The following DGKA variants were observed in gnomAD, a reference collection of about 807,000 sequenced individuals.
DGKA encodes 80 kDa diacylglycerol kinase.
DGKA carries 35 observed loss-of-function variants against 105.0 expected under a neutral mutation model. The ratio of observed to expected loss-of-function variants is 0.33; its 90% CI spans 0.25 to 0.44. The LOEUF (loss-of-function observed/expected upper bound fraction) is 0.44. DGKA is among the 20% of genes least tolerant of loss of function. The pLI, the probability that DGKA is intolerant of heterozygous loss-of-function variation, is 1.00. For synonymous variants in DGKA, 296 were observed against 332.0 expected (o/e 0.89, Z 1.18); for missense variants, 665 against 915.0 (o/e 0.73, Z 3.53).
intron 17 of DGKA, among the ~76,000 whole-genome samples, chr12:55,944,881 C>T (rs1016810586): frequency 7.9e-5 from 12 of 152,290 alleles, no homozygotes; most frequent in Middle Eastern, 6.8e-3. Flanking sequence ...CTCACTGCAA[C>T]TTCTACCTCG....
chr12:55,953,131 G>C lies in DGKA; in HGVS notation c.2034G>C (p.Arg678=), dbSNP rs965456470. ...CCAAGCTCAAGAATGCTGGACGTCG[G>C]CTGGCCAAGTGCTCTGAGATCACCT... ...IYTKLKNAGR[R]LAKCSEITFH... The change falls in exon 22 of 24, where the codon CGG becomes CGC. Residue 678 remains arginine, a synonymous_variant. Transcript: ENST00000331886. 2 of 1,614,098 alleles carry C rather than the reference G, an allele frequency of 1.2e-6. No homozygotes were observed. Among genetic ancestry groups the C allele is most frequent in the Non-Finnish European group, 1.7e-6 (2 of 1,180,030 alleles).
Position 55,941,531 on chromosome 12 carries a change from T to C in DGKA, c.1197T>C (p.Tyr399=). Residue 399 remains tyrosine, a synonymous_variant, in exon 15 of 24, where the codon TAT becomes TAC. Transcript: ENST00000331886. ...ACAGGGTGCTCTGGAAGTTCCAGTA[T>C]ATATTAAACCCTCGACAGGTGTTCA... is the stretch of plus-strand genomic sequence containing the variant. ...QGQRVLWKFQ[Y]ILNPRQVFNL... is the part of the protein sequence containing the mutation. The C allele has an allele frequency of 6.2e-7, 1 of 1,614,156 alleles. No homozygotes were observed.
chr12:55,937,373 C>T (rs749103104), intron 3 of DGKA, 35 bp from the exon 4 acceptor site: 1 of 1,605,092 alleles, frequency 6.2e-7, no homozygotes, highest in Non-Finnish European at 8.5e-7. Flanking sequence ...TCTGACCTTG[C>T]AGACTCCCCA....
In DGKA at chr12:55,939,487, G is replaced by A. The variant is rs754455348; in HGVS notation, c.667G>A (p.Glu223Lys). The A allele has an allele frequency of 6.8e-6, 11 of 1,614,202 alleles. No homozygotes were observed. Among genetic ancestry groups the A allele is most frequent in the East Asian group, 4.5e-5 (2 of 44,884 alleles). ...CAGACCAGTCTACTGCAATCTGTGC[G>A]AGTCAAGCATTGGTCTTGGCAAACA... ...FPRPVYCNLCESSIGLGKQGL... is the reference protein window; with the variant it reads ...FPRPVYCNLCKSSIGLGKQGL... The change falls in exon 9 of 24, where the codon GAG becomes AAG. Residue 223 changes from glutamate to lysine, a missense_variant. Transcript: ENST00000331886.
rs1404453761 is a variant in DGKA at position 55,940,752 on chromosome 12, A to C, written c.1017+30A>C. 1.3e-5 allele frequency: 21 copies of C among 1,606,140 alleles called. No homozygotes were observed. Among genetic ancestry groups the C allele is most frequent in the Non-Finnish European group, 1.7e-5 (20 of 1,173,346 alleles). On this transcript the variant is annotated intron_variant, in intron 12 of 23. Coordinates refer to ENST00000331886, the MANE Select transcript of DGKA (RefSeq NM_001345.5). The surrounding 1 kb of genome is among the most constrained non-coding windows in gnomAD (Gnocchi z 4.3). ...GACCCTCGGCAGCAGCGGGGAGGGG[A>C]CAGGAGTGCCTCCCCGATTTCCCAC...
rs192366788 is a variant in DGKA, at chr12:55,940,493, G to C, written c.918+60G>C. ...TACCCCGCAGAGCTGCCTTCTCCAC[G>C]GGCCTCCGGCCACACCTCCTTTACA... On this transcript the variant is annotated intron_variant, in intron 11 of 23. Transcript: ENST00000331886. This position sits in a 1 kb window ranked among gnomAD's most constrained non-coding sequence, Gnocchi z 4.3. 8 of 1,599,898 alleles carry C rather than the reference G, an allele frequency of 5.0e-6. No homozygotes were observed. The African/African-American group carries it at 5.3e-5, about 11-fold the overall frequency.
chr12:55,931,774 G>C (rs1366363093), intron 1 of DGKA: 1 of 152,420 alleles, frequency 6.6e-6, no homozygotes, highest in Non-Finnish European at 1.5e-5. Context: ...TGAGTGATTA[G>C]AAAGAAGGGA....
At chr12:55,944,891 G>T (rs891243372) in intron 17 of DGKA, among the ~76,000 whole-genome samples, 1 of 152,006 alleles carries the variant, frequency 6.6e-6, no homozygotes, top group African/African-American at 2.4e-5. Context: ...CTTCTACCTC[G>T]CAGGTTCCGG....
intron 1 of DGKA, among the ~76,000 whole-genome samples, chr12:55,935,135 G>A (rs1884380222): frequency 6.6e-6 from 1 of 152,188 alleles, no homozygotes; most frequent in African/African-American, 2.4e-5. Context: ...GAATGGTTAT[G>A]CCAATAATTT....
At chr12:55,946,587 C>T (rs1486228116) in intron 17 of DGKA, among the ~76,000 whole-genome samples, 3 of 152,122 alleles carry the variant, frequency 2.0e-5, no homozygotes, top group Admixed American at 2.0e-4. Flanking sequence ...AAACTCCTGA[C>T]CTCAGGTGAT....
intron 5 of DGKA, chr12:55,938,299 T>G (rs112596142): frequency 1.4e-6 from 1 of 708,844 alleles, no homozygotes; most frequent in Admixed American, 2.8e-5. Context: ...CCTTGGGATA[T>G]GGATTATGTA....
At position 55,953,423 on chromosome 12, in the gene DGKA, G is replaced by A. The variant is rs1280239017; in HGVS notation, c.2124+13G>A. The stretch of plus-strand genomic sequence containing the variant: ...GACGCCCTGTACAGTGAGTATTGAC[G>A]ATCCCAGCCAAAAATTAAACCCTTG... On this transcript the variant is annotated intron_variant, in intron 23 of 23. Coordinates refer to ENST00000331886, the MANE Select transcript of DGKA (RefSeq NM_001345.5). 11 of 1,613,580 alleles carry A rather than the reference G, an allele frequency of 6.8e-6. No individual in the cohort carries two copies. The highest frequency in any genetic ancestry group is 4.5e-5 in the East Asian group (2 of 44,874).
In DGKA at chr12:55,940,827, G is replaced by A; in HGVS notation, c.1018-70G>A. 1 of 1,599,192 alleles carries A rather than the reference G, an allele frequency of 6.3e-7. No homozygotes were observed. Among genetic ancestry groups the A allele is most frequent in the Non-Finnish European group, 8.6e-7 (1 of 1,167,186 alleles). On this transcript the variant is annotated intron_variant, in intron 12 of 23. Transcript: ENST00000331886. The surrounding 1 kb of genome is among the most constrained non-coding windows in gnomAD (Gnocchi z 4.3). ...GAGAGCTCATACTTTTAGGATTCAA[G>A]TCAGACCCCTCTATTTAGGGATTCA...
At chr12:55,935,115 T>C (rs1884376496) in intron 1 of DGKA, among the ~76,000 whole-genome samples, 1 of 152,268 alleles carries the variant, frequency 6.6e-6, no homozygotes, top group South Asian at 2.1e-4. Context: ...CTCCAGTTTC[T>C]TCATCTGTAG....
Position 55,939,180 on chromosome 12 carries a change from G to A in DGKA, c.475-6G>A. 6.2e-7 allele frequency: 1 copy of A among 1,613,834 alleles called. No homozygotes were observed. The highest frequency in any genetic ancestry group is 8.5e-7 in the Non-Finnish European group (1 of 1,179,824). ...TACTGAAAGTCCCTTTCCACTCTGT[G>A]CTCAGATTCTTCAGGAGATGATGAA... On this transcript the variant is annotated splice_region_variant and splice_polypyrimidine_tract_variant and intron_variant, in intron 7 of 23. Transcript: ENST00000331886.
upstream of DGKA, chr12:55,927,797 C>T (rs1273733782): frequency 3.9e-6 from 6 of 1,535,028 alleles, no homozygotes; most frequent in Admixed American, 2.0e-5. Context: ...GGGCGGGCGG[C>T]CCTGGCCTGG....
chr12:55,946,990 T>C (rs1175828812), intron 17 of DGKA, among the ~76,000 whole-genome samples: 6 of 149,988 alleles, frequency 4.0e-5, no homozygotes, highest in Non-Finnish European at 1.5e-5. Context: ...CTTTCTTTTT[T>C]TTTTTTTTTT....
At chr12:55,950,265 G>A (rs1592741688) in intron 17 of DGKA, among the ~76,000 whole-genome samples, 3 of 146,354 alleles carry the variant, frequency 2.0e-5, no homozygotes, top group African/African-American at 2.5e-5. Flanking sequence ...CAGCCATCGC[G>A]CCCGGCCTAC....
chr12:55,939,233 TG>T lies in DGKA; in HGVS notation c.523del (p.Val175SerfsTer17). On this transcript the variant is annotated frameshift_variant, in exon 8 of 24. Transcript: ENST00000331886. LOFTEE classifies it high-confidence loss of function. ...KEIDYDGSGS[V>X]SQAEWVRAGA... ...AGATTGACTATGATGGCAGTGGCTC[TG>T]TCTCTCAAGCTGAGTGGGTCCGGGC... 1 of 1,614,214 alleles carries T rather than the reference TG, an allele frequency of 6.2e-7. No individual in the cohort carries two copies. Among genetic ancestry groups the T allele is most frequent in the Non-Finnish European group, 8.5e-7 (1 of 1,180,034 alleles).
Sources: allele counts gnomAD v4.1 joint callset (sites outside exome capture counted in the v4.1 genomes callset), GRCh38; gene constraint gnomAD v4.1.1; non-coding constraint Gnocchi (gnomAD v3.1); transcripts MANE v1.5; gene names NCBI Gene and HGNC (gene_info 2026-07-23, HGNC 2026-07-21).